Variants in GRIK2 observed in about 807,000 individuals in gnomAD.
GRIK2 encodes glutamate ionotropic receptor kainate type subunit 2, also known as glutamate receptor ionotropic, kainate 2.
A neutral mutation model predicts 100.3 loss-of-function variants in GRIK2; 32 were observed. The observed-to-expected ratio is 0.32, with a 90% CI of 0.24 to 0.43. The LOEUF is 0.43. Among genes scored for constraint, GRIK2 ranks in the 20% least tolerant of loss-of-function variants. The probability of loss-of-function intolerance (pLI) is 1.00; values close to 1 mark genes in which losing one functional copy is unlikely to be tolerated. For synonymous variants in GRIK2, 417 were observed against 389.4 expected (o/e 1.07, Z -0.83); for missense variants, 843 against 1,114.9 (o/e 0.76, Z 3.47).
At chr6:101,446,003 C>T (rs1183453162) in intron 2 of GRIK2, among the ~76,000 whole-genome samples, 1 of 152,016 alleles carries the variant, frequency 6.6e-6, no homozygotes, top group Non-Finnish European at 1.5e-5. Context: ...GTGTCTTATT[C>T]ATTCTGATCT....
chr6:101,707,544 GTATATATGTGTATATATA>G (rs1773395234), intron 7 of GRIK2, among the ~76,000 whole-genome samples: 1 of 123,198 alleles, frequency 8.1e-6, no homozygotes, highest in Admixed American at 8.6e-5. Flanking sequence ...GTGTATATAT[GTATATATGTGTATATATA>G]TGTATATATG....
chr6:101,577,927 G>A (rs1041292930), intron 2 of GRIK2, among the ~76,000 whole-genome samples: 2 of 152,120 alleles, frequency 1.3e-5, no homozygotes, highest in African/African-American at 2.4e-5. Context: ...CGTAGAAGGT[G>A]AGGTGGGAAT....
intron 7 of GRIK2, among the ~76,000 whole-genome samples, chr6:101,797,720 T>C (rs1366062109): frequency 6.8e-6 from 1 of 146,996 alleles, no homozygotes; most frequent in Non-Finnish European, 1.5e-5. Context: ...TAATAGTTTA[T>C]ATTATATATA....
At chr6:101,430,770 C>A (rs1302052482) in intron 2 of GRIK2, 2 of 234,712 alleles carry the variant, frequency 8.5e-6, no homozygotes, top group Non-Finnish European at 1.9e-5. Flanking sequence ...CAGCAACTAG[C>A]TCCTTTCCAG....
intron 10 of GRIK2, among the ~76,000 whole-genome samples, chr6:101,853,579 C>G (rs1418186473): frequency 1.3e-5 from 2 of 152,150 alleles, no homozygotes; most frequent in African/African-American, 4.8e-5. Context: ...TGCAGTCATC[C>G]ACCTTGATAT....
chr6:101,598,426 C>G (rs1182144768), intron 2 of GRIK2, among the ~76,000 whole-genome samples: 1 of 151,406 alleles, frequency 6.6e-6, no homozygotes, highest in Non-Finnish European at 1.5e-5. Flanking sequence ...GCTTTGTAAT[C>G]TTAGAAAACT....
chr6:102,002,843 G>A (rs547512979), intron 14 of GRIK2, among the ~76,000 whole-genome samples: 42 of 150,508 alleles, frequency 2.8e-4, no homozygotes, highest in African/African-American at 9.4e-4. Context: ...ATATAAAAAG[G>A]CTACATTTTT....
chr6:101,690,863 C>T (rs1422404989), intron 7 of GRIK2, among the ~76,000 whole-genome samples: 2 of 152,084 alleles, frequency 1.3e-5, no homozygotes, highest in Non-Finnish European at 1.5e-5. Flanking sequence ...TTTTCTGTTA[C>T]CTTTTAGATT....
intron 14 of GRIK2, among the ~76,000 whole-genome samples, chr6:101,958,629 T>C (rs1352324500): frequency 6.6e-6 from 1 of 152,090 alleles, no homozygotes; most frequent in East Asian, 1.9e-4. Flanking sequence ...TGTTTTCAAC[T>C]TTTTCCTGTT....
chr6:101,550,547 A>G (rs1188347653), intron 2 of GRIK2, among the ~76,000 whole-genome samples: 1 of 152,222 alleles, frequency 6.6e-6, no homozygotes, highest in African/African-American at 2.4e-5. Flanking sequence ...AGTAGGTCCT[A>G]CACTGCAGGA....
intron 15 of GRIK2, among the ~76,000 whole-genome samples, chr6:102,052,254 T>C (rs1281863284): frequency 2.0e-5 from 3 of 152,168 alleles, no homozygotes; most frequent in Non-Finnish European, 4.4e-5. Flanking sequence ...ATACTTAAAC[T>C]AGATCAATGA....
chr6:101,611,175 T>G (rs1779660450), intron 2 of GRIK2, among the ~76,000 whole-genome samples: 1 of 151,866 alleles, frequency 6.6e-6, no homozygotes. Flanking sequence ...AAGTAAAAGC[T>G]TATTTATTTT....
Position 101,757,281 on chromosome 6 carries a change from A to G in GRIK2, c.952-42367A>G, listed in dbSNP as rs541376778. On this transcript the variant is annotated intron_variant, in intron 7 of 16. Transcript: ENST00000369134. ...TTTACAAATAAATCAATTAATATTTATACAGTACCTAATGTATTTAAATTT... is the reference window on the plus strand; with the variant it reads ...TTTACAAATAAATCAATTAATATTTGTACAGTACCTAATGTATTTAAATTT... Among the ~76,000 whole-genome samples the G allele has an allele frequency of 5.3e-5, 8 of 152,328 alleles. No individual in the cohort carries two copies. In the South Asian group the frequency reaches 1.7e-3, roughly 32 times the overall value.
chr6:101,991,442 A>G (rs1365876097), intron 14 of GRIK2, among the ~76,000 whole-genome samples: 1 of 150,970 alleles, frequency 6.6e-6, no homozygotes, highest in Non-Finnish European at 1.5e-5. Context: ...GTAAATAATA[A>G]TATTGAAAAA....
intron 9 of GRIK2, among the ~76,000 whole-genome samples, chr6:101,817,833 A>C (rs533000365): frequency 1.3e-5 from 2 of 152,340 alleles, no homozygotes; most frequent in African/African-American, 4.8e-5. Context: ...TAAAAGGTGC[A>C]AAGATGCGTT....
chr6:101,753,472 T>C (rs1776930548), intron 7 of GRIK2, among the ~76,000 whole-genome samples: 2 of 152,072 alleles, frequency 1.3e-5, no homozygotes, highest in South Asian at 4.1e-4. Context: ...CATTGTAAGT[T>C]ATGGAGAGTA....
intron 14 of GRIK2, among the ~76,000 whole-genome samples, chr6:101,948,961 C>T (rs1791445899): frequency 6.6e-6 from 1 of 152,136 alleles, no homozygotes. Flanking sequence ...GTAATTTCCT[C>T]CAGTCGTAGC....
chr6:101,975,135 G>A (rs1413973), intron 14 of GRIK2, among the ~76,000 whole-genome samples: 71,170 of 151,358 alleles, frequency 0.47, 17,048 homozygotes, highest in African/African-American at 0.56. Context: ...CCACAAAAAG[G>A]AAAATAGTAG....
intron 2 of GRIK2, among the ~76,000 whole-genome samples, chr6:101,440,052 A>T (rs1447659269): frequency 6.6e-6 from 1 of 152,174 alleles, no homozygotes; most frequent in Non-Finnish European, 1.5e-5. Flanking sequence ...AATTTTTTAA[A>T]AAAGTTAGTA....
Sources: gnomAD v4.1 joint callset for allele counts (sites outside exome capture counted in the v4.1 genomes callset) on GRCh38, gnomAD v4.1.1 for gene constraint, MANE v1.5 for transcripts, NCBI Gene and HGNC (gene_info 2026-07-23, HGNC 2026-07-21) for gene names.